Variants in MAGI2 observed in about 807,000 individuals in gnomAD.
The protein encoded by MAGI2 is membrane associated guanylate kinase, WW and PDZ domain containing 2, also known as membrane-associated guanylate kinase, WW and PDZ domain-containing protein 2.
MAGI2 carries 35 observed loss-of-function variants against 133.3 expected under a neutral mutation model. That is an observed-to-expected ratio of 0.26 (90% CI 0.20 to 0.35). The LOEUF (loss-of-function observed/expected upper bound fraction) is 0.35, where lower values mean the gene tolerates loss of function less well. MAGI2 is among the 10% of genes least tolerant of loss of function. The pLI is 1.00. For synonymous variants in MAGI2, 729 were observed against 710.6 expected (o/e 1.03, Z -0.41); for missense variants, 1,636 against 1,863.4 (o/e 0.88, Z 2.25).
intron 9 of MAGI2, among the ~76,000 whole-genome samples, chr7:78,316,827 G>A (rs1787456100): frequency 6.6e-6 from 1 of 152,152 alleles, no homozygotes. Flanking sequence ...CAGCAGATGA[G>A]CAATCAGGGA....
At chr7:78,149,517 T>C (rs1823655628) in intron 16 of MAGI2, among the ~76,000 whole-genome samples, 1 of 152,194 alleles carries the variant, frequency 6.6e-6, no homozygotes, top group Non-Finnish European at 1.5e-5. Flanking sequence ...CCAGGTTTTA[T>C]TGTATTTCAA....
chr7:78,428,478 G>A (rs1033231362), intron 6 of MAGI2, among the ~76,000 whole-genome samples: 14 of 152,146 alleles, frequency 9.2e-5, no homozygotes, highest in Admixed American at 9.2e-4. Flanking sequence ...GCTAGAAAGT[G>A]AAGATAAAAA....
chr7:78,100,580 G>A (rs149075061), intron 20 of MAGI2, among the ~76,000 whole-genome samples: 5 of 151,934 alleles, frequency 3.3e-5, no homozygotes, highest in African/African-American at 1.2e-4. Flanking sequence ...TCAAACTCCT[G>A]GGCTCAAGTG....
chr7:78,871,141 G>T (rs549336), intron 2 of MAGI2, among the ~76,000 whole-genome samples: 82,599 of 151,716 alleles, frequency 0.54, 24,271 homozygotes, highest in Middle Eastern at 0.69. Flanking sequence ...AAACCCCATC[G>T]CTATCGAAAA....
intron 1 of MAGI2, among the ~76,000 whole-genome samples, chr7:79,195,757 C>T (rs901528795): frequency 4.0e-5 from 6 of 151,562 alleles, no homozygotes; most frequent in African/African-American, 1.5e-4. Context: ...ATCTGTCCTC[C>T]TTATCCAGCA....
intron 10 of MAGI2, among the ~76,000 whole-genome samples, chr7:78,239,380 C>T (rs144293076): frequency 6.6e-6 from 1 of 151,988 alleles, no homozygotes; most frequent in Admixed American, 6.6e-5. Flanking sequence ...CCTCAAAAAC[C>T]CAAGTAACAG....
chr7:79,215,292 T>A (rs114213835), intron 1 of MAGI2, among the ~76,000 whole-genome samples: 8,514 of 152,096 alleles, frequency 0.056, 318 homozygotes, highest in Middle Eastern at 0.082. Flanking sequence ...CCCTGAAATA[T>A]GTTTCTTTGA....
intron 1 of MAGI2, among the ~76,000 whole-genome samples, chr7:79,065,534 T>G (rs1426098610): frequency 6.6e-6 from 1 of 152,082 alleles, no homozygotes; most frequent in Non-Finnish European, 1.5e-5. Flanking sequence ...TAATTGAAAC[T>G]ATTCTCATAT....
intron 1 of MAGI2, among the ~76,000 whole-genome samples, chr7:79,037,890 T>C (rs1811266086): frequency 6.6e-6 from 1 of 152,234 alleles, no homozygotes; most frequent in Admixed American, 6.5e-5. Flanking sequence ...AAGGATTATA[T>C]CTTATGATGC....
In MAGI2 at chr7:78,487,036, C is replaced by A. The variant is rs147409075; in HGVS notation, c.1045+2725G>T. On this transcript the variant is annotated intron_variant, in intron 6 of 21. Transcript: ENST00000354212. ...AAAGAGAAATGTAACCAACGAAGGA[C>A]CAATACACTGAGGCAGGGCAGAGGG... The A allele has an allele frequency of 6.5e-4, 327 of 504,046 alleles. 2 individuals carry two copies. The highest frequency in any genetic ancestry group is 5.8e-3 in the African/African-American group (299 of 51,740). The allele number at this position is 504,046 out of a possible 1,614,324, so 31.2% of individuals were successfully genotyped here. A position where few individuals can be genotyped will look rare whatever the true frequency, so the allele number is the denominator to read the frequency against.
intron 1 of MAGI2, among the ~76,000 whole-genome samples, chr7:79,248,446 A>G (rs933990457): frequency 6.6e-6 from 1 of 152,206 alleles, no homozygotes; most frequent in Non-Finnish European, 1.5e-5. Context: ...CATTTTCAGC[A>G]TTGGACAGAT....
chr7:78,572,533 T>G lies in MAGI2; in HGVS notation c.539-50888A>C, dbSNP rs565644050. 1.7e-4 allele frequency among the ~76,000 whole-genome samples: 26 copies of G among 152,260 alleles called. No individual in the cohort carries two copies. The East Asian group carries it at 4.1e-3, about 24-fold the overall frequency. ...CTGTTGAAAGTAGTATATTCACATA[T>G]TTTAGACAAATTGTCCTACAAGGTA... is the stretch of plus-strand genomic sequence containing the variant. On this transcript the variant is annotated intron_variant, in intron 3 of 21. Coordinates refer to ENST00000354212, the MANE Select transcript of MAGI2 (RefSeq NM_012301.4).
At chr7:79,391,733 AG>A (rs1844668560) in intron 1 of MAGI2, among the ~76,000 whole-genome samples, 1 of 151,758 alleles carries the variant, frequency 6.6e-6, no homozygotes, top group African/African-American at 2.4e-5. Context: ...TCTGTCACCC[AG>A]GCTGGAGTGG....
At chr7:79,209,754 G>A (rs1300170194) in intron 1 of MAGI2, among the ~76,000 whole-genome samples, 1 of 151,954 alleles carries the variant, frequency 6.6e-6, no homozygotes, top group Non-Finnish European at 1.5e-5. Flanking sequence ...AAAGTACATT[G>A]TGCATATTAT....
intron 1 of MAGI2, among the ~76,000 whole-genome samples, chr7:79,421,968 G>A (rs898760139): frequency 2.0e-5 from 3 of 151,946 alleles, no homozygotes; most frequent in Admixed American, 6.6e-5. Context: ...AAACAAAGGA[G>A]GATGTTTCAT....
chr7:78,292,620 T>G (rs1796833218), intron 9 of MAGI2, among the ~76,000 whole-genome samples: 1 of 152,026 alleles, frequency 6.6e-6, no homozygotes, highest in Non-Finnish European at 1.5e-5. Flanking sequence ...GAGCCCACAT[T>G]GCCAAGACAA....
rs528566343 is a variant in MAGI2, at chr7:79,203,035, T to C, written c.302-195829A>G. On this transcript the variant is annotated intron_variant, in intron 1 of 21. Coordinates refer to ENST00000354212, the MANE Select transcript of MAGI2 (RefSeq NM_012301.4). ...CCACAAACTTTTTGCCCAACATCTTTCCATTTTAGTACAGAGCACATATAA... is the reference window on the plus strand; with the variant it reads ...CCACAAACTTTTTGCCCAACATCTTCCCATTTTAGTACAGAGCACATATAA... Among the ~76,000 whole-genome samples, 10 of 152,160 alleles carry C rather than the reference T, an allele frequency of 6.6e-5. No homozygotes were observed. The East Asian group carries it at 1.7e-3, about 26-fold the overall frequency.
At chr7:78,584,290 G>A (rs1803160268) in intron 3 of MAGI2, among the ~76,000 whole-genome samples, 1 of 151,838 alleles carries the variant, frequency 6.6e-6, no homozygotes, top group Non-Finnish European at 1.5e-5. Flanking sequence ...CATGGTGGCA[G>A]TCGCCTGTAA....
chr7:78,973,951 T>C (rs779183921), intron 2 of MAGI2, among the ~76,000 whole-genome samples: 21 of 151,782 alleles, frequency 1.4e-4, no homozygotes, highest in Non-Finnish European at 2.8e-4. Flanking sequence ...GGAATCACAC[T>C]ACCAAAGTAG....
Sources: allele counts gnomAD v4.1 joint callset (sites outside exome capture counted in the v4.1 genomes callset), GRCh38; gene constraint gnomAD v4.1.1; transcripts MANE v1.5; gene names NCBI Gene and HGNC (gene_info 2026-07-23, HGNC 2026-07-21).